Variants in KCNAB2 observed in about 807,000 individuals in gnomAD.
KCNAB2 encodes potassium voltage-gated channel subfamily A regulatory beta subunit 2, also known as voltage-gated potassium channel subunit beta-2.
Under a neutral mutation model 63.6 loss-of-function variants are expected in KCNAB2, and 29 were observed. The ratio of observed to expected loss-of-function variants is 0.46; its 90% CI spans 0.34 to 0.62. The LOEUF (loss-of-function observed/expected upper bound fraction) is 0.62. Among genes scored for constraint, KCNAB2 ranks in the 20% least tolerant of loss-of-function variants. The pLI is 0.01. For synonymous variants in KCNAB2, 222 were observed against 224.2 expected (o/e 0.99, Z 0.09); for missense variants, 359 against 563.9 (o/e 0.64, Z 3.68).
At chr1:6,044,335 G>A (rs1490759578), upstream of KCNAB2, among the ~76,000 whole-genome samples, 1 of 152,186 alleles carries the variant, frequency 6.6e-6, no homozygotes, top group African/African-American at 2.4e-5. Context: ...GAGCATTTGG[G>A]GTCCAAGGAA....
intron 15 of KCNAB2, chr1:6,098,221 T>A: frequency 1.6e-6 from 2 of 1,217,836 alleles, no homozygotes; most frequent in Non-Finnish European, 2.1e-6. Context: ...TTTATGTCAC[T>A]GCTGCCACCA....
chr1:6,092,263 G>A (rs138706315), intron 10 of KCNAB2, among the ~76,000 whole-genome samples: 129 of 152,354 alleles, frequency 8.5e-4, no homozygotes, highest in African/African-American at 2.9e-3. Context: ...TCCCTCATGT[G>A]GGCTCCCTGT....
chr1:6,021,640 T>C (rs781726941), intron 1 of KCNAB2, among the ~76,000 whole-genome samples: 6 of 151,744 alleles, frequency 4.0e-5, no homozygotes, highest in Non-Finnish European at 8.8e-5. Context: ...TTCAGTGGTA[T>C]TGAGTATACA....
chr1:6,097,478 A>G, intron 15 of KCNAB2, 121 bp downstream of exon 15: 1 of 1,515,498 alleles, frequency 6.6e-7, no homozygotes, highest in Non-Finnish European at 8.9e-7. Flanking sequence ...TGCGCCCGTG[A>G]ACCATCAGAG....
intron 1 of KCNAB2, among the ~76,000 whole-genome samples, chr1:6,008,608 G>C (rs568499566): frequency 7.8e-6 from 1 of 128,038 alleles, no homozygotes; most frequent in African/African-American, 3.1e-5. Flanking sequence ...CCTGGAGACG[G>C]AGCGAGACTG....
intron 1 of KCNAB2, among the ~76,000 whole-genome samples, chr1:6,009,037 C>T (rs1489133613): frequency 3.3e-5 from 5 of 152,248 alleles, no homozygotes; most frequent in African/African-American, 1.2e-4. Context: ...GCACTGCACC[C>T]CACAGTCCAA....
At chr1:6,081,471 T>C (rs1355088666) in intron 4 of KCNAB2, among the ~76,000 whole-genome samples, 1 of 152,226 alleles carries the variant, frequency 6.6e-6, no homozygotes. Flanking sequence ...TGCTGGGGAC[T>C]GCCTTGGTTT....
intron 1 of KCNAB2, among the ~76,000 whole-genome samples, chr1:6,046,864 A>G (rs370910540): frequency 1.3e-5 from 2 of 152,142 alleles, no homozygotes; most frequent in Admixed American, 6.5e-5. Context: ...CTTTCAGTAA[A>G]CAGAACAATT....
At chr1:6,084,653 T>TA (rs1031594984) in intron 5 of KCNAB2, among the ~76,000 whole-genome samples, 3 of 152,082 alleles carry the variant, frequency 2.0e-5, no homozygotes, top group Non-Finnish European at 4.4e-5. Flanking sequence ...CCGTCTCTAC[T>TA]AAAAATACAA....
chr1:6,025,855 C>T (rs1181511640), intron 1 of KCNAB2, among the ~76,000 whole-genome samples: 2 of 147,330 alleles, frequency 1.4e-5, no homozygotes, highest in South Asian at 2.2e-4. Flanking sequence ...ACAGCCGATC[C>T]CGGCACACAG....
chr1:6,026,318 G>C (rs1248013085), intron 1 of KCNAB2: 2 of 152,254 alleles, frequency 1.3e-5, no homozygotes, highest in African/African-American at 4.8e-5. Flanking sequence ...GCTCTGGCAC[G>C]CGCTGCACCA....
At chr1:6,005,619 T>A (rs1396324059) in intron 1 of KCNAB2, among the ~76,000 whole-genome samples, 1 of 151,864 alleles carries the variant, frequency 6.6e-6, no homozygotes, top group Non-Finnish European at 1.5e-5. Flanking sequence ...GTATTTGTAG[T>A]TGGAAGGCAG....
chr1:6,055,242 C>T lies in KCNAB2; in HGVS notation c.218+3488C>T, dbSNP rs571371384. Among the ~76,000 whole-genome samples the T allele has an allele frequency of 2.0e-5, 3 of 152,314 alleles. No individual in the cohort carries two copies. The South Asian group carries it at 6.2e-4, about 32-fold the overall frequency. Reference sequence around the variant, plus strand: ...AACATATCTTTTATTTGCCTGAAGCCCCGAGGAAAATGCCTGAGCAGCCTC... The same window carrying T: ...AACATATCTTTTATTTGCCTGAAGCTCCGAGGAAAATGCCTGAGCAGCCTC... On this transcript the variant is annotated intron_variant, in intron 2 of 15. Transcript: ENST00000378083.
At chr1:6,033,881 T>TG (rs1435414025), upstream of KCNAB2, among the ~76,000 whole-genome samples, 1 of 152,180 alleles carries the variant, frequency 6.6e-6, no homozygotes, top group African/African-American at 2.4e-5. Flanking sequence ...TTTCTCCAAA[T>TG]CTAAATCCGG....
chr1:6,098,248 T>C, intron 15 of KCNAB2: 1 of 1,327,058 alleles, frequency 7.5e-7, no homozygotes, highest in Non-Finnish European at 9.7e-7. Context: ...AGGAAGGTTC[T>C]AGGGCACCTT....
chr1:6,043,309 A>T (rs1386212135), upstream of KCNAB2, among the ~76,000 whole-genome samples: 5 of 152,076 alleles, frequency 3.3e-5, no homozygotes, highest in Non-Finnish European at 7.4e-5. Flanking sequence ...ATCCAGCTCC[A>T]AGGGCCTGCC....
At chr1:6,009,042 G>T (rs996462014) in intron 1 of KCNAB2, among the ~76,000 whole-genome samples, 19 of 152,328 alleles carry the variant, frequency 1.2e-4, no homozygotes, top group Admixed American at 2.0e-4. Context: ...GCACCCCACA[G>T]TCCAACCCTT....
At chr1:5,993,741 C>G (rs1460957300) in intron 1 of KCNAB2, among the ~76,000 whole-genome samples, 1 of 152,220 alleles carries the variant, frequency 6.6e-6, no homozygotes, top group Non-Finnish European at 1.5e-5. Context: ...CCCTGGCCAC[C>G]GTCTCCTTCC....
chr1:6,004,984 A>AGTGGG (rs1557920954), intron 1 of KCNAB2, among the ~76,000 whole-genome samples: 1 of 116,620 alleles, frequency 8.6e-6, no homozygotes, highest in South Asian at 2.8e-4. Flanking sequence ...ATGAGGGTGC[A>AGTGGG]GGCAGAGATC....
Sources: allele counts gnomAD v4.1 joint callset (sites outside exome capture counted in the v4.1 genomes callset), GRCh38; gene constraint gnomAD v4.1.1; transcripts MANE v1.5; gene names NCBI Gene and HGNC (gene_info 2026-07-23, HGNC 2026-07-21).